Variants in CPE observed in about 807,000 individuals in gnomAD.
CPE encodes carboxypeptidase E.
A neutral mutation model predicts 53.5 loss-of-function variants in CPE; 17 were observed. The ratio of observed to expected loss-of-function variants is 0.32; its 90% CI spans 0.22 to 0.48. The LOEUF is 0.48. Ranked by LOEUF, CPE falls within the 20% of genes least tolerant of loss-of-function variation. CPE has a pLI of 0.99. For synonymous variants in CPE, 226 were observed against 228.8 expected (o/e 0.99, Z 0.11); for missense variants, 524 against 614.7 (o/e 0.85, Z 1.56).
intron 3 of CPE, among the ~76,000 whole-genome samples, chr4:165,481,698 A>G (rs1444276853): frequency 2.6e-5 from 4 of 152,246 alleles, no homozygotes; most frequent in African/African-American, 7.2e-5. Context: ...AACATATTTT[A>G]CAGTCCACTC....
chr4:165,404,988 TG>T (rs1272430323), intron 1 of CPE: 5 of 751,940 alleles, frequency 6.6e-6, no homozygotes, highest in Non-Finnish European at 1.2e-5. Flanking sequence ...TTTAGCACTC[TG>T]TGCTTAAAAC....
chr4:165,396,967 G>A (rs912605010), intron 1 of CPE, among the ~76,000 whole-genome samples: 2 of 151,766 alleles, frequency 1.3e-5, no homozygotes, highest in African/African-American at 2.4e-5. Flanking sequence ...AGGCTGAGGC[G>A]GGAGGATGGC....
chr4:165,382,771 A>G (rs1730523485), intron 1 of CPE, among the ~76,000 whole-genome samples: 1 of 152,236 alleles, frequency 6.6e-6, no homozygotes, highest in South Asian at 2.1e-4. Flanking sequence ...TGATCTTTAT[A>G]CATGCTTGGT....
At chr4:165,484,361 A>G in intron 4 of CPE, 61 bp from the exon 5 acceptor site, 1 of 1,484,170 alleles carries the variant, frequency 6.7e-7, no homozygotes, top group Non-Finnish European at 9.3e-7. Context: ...CACTCTTTAG[A>G]AAACATGCTG....
intron 1 of CPE, among the ~76,000 whole-genome samples, chr4:165,387,601 GAGTTCA>G (rs1190115448): frequency 6.6e-6 from 1 of 152,056 alleles, no homozygotes; most frequent in Admixed American, 6.5e-5. Flanking sequence ...ACGAGGTCGG[GAGTTCA>G]AGACCAGCCT....
intron 1 of CPE, among the ~76,000 whole-genome samples, chr4:165,387,867 C>T (rs1397219852): frequency 1.3e-5 from 2 of 152,240 alleles, no homozygotes; most frequent in Non-Finnish European, 2.9e-5. Context: ...GGGGATCTGC[C>T]CGCCTCGGTC....
At position 165,467,789 on chromosome 4, in the gene CPE, G is replaced by A. The variant is rs373115142; in HGVS notation, c.606G>A (p.Glu202=). Residue 202 remains glutamate (E), a synonymous_variant, in exon 3 of 9, where the codon GAG becomes GAA. Transcript: ENST00000402744. ...PDLDRIVYVN[E]KEGGPNNHLL... ...TGGATAGGATAGTGTACGTGAATGA[G>A]AAAGAAGGTGGTCCAAATAATCATC... 1 of 1,613,706 alleles carries A rather than the reference G, an allele frequency of 6.2e-7. No homozygotes were observed. The highest frequency in any genetic ancestry group is 1.3e-5 in the African/African-American group (1 of 74,876).
At position 165,379,658 on chromosome 4, in the gene CPE, T is replaced by A; in HGVS notation, c.307+130T>A. 1 of 940,670 alleles carries A rather than the reference T, an allele frequency of 1.1e-6. No individual in the cohort carries two copies. Among genetic ancestry groups the A allele is most frequent in the Non-Finnish European group, 1.5e-6 (1 of 671,118 alleles). The allele number at this position is 940,670 out of a possible 1,614,324, so 58.3% of individuals were successfully genotyped here. A position where few individuals can be genotyped will look rare whatever the true frequency, so the allele number is the denominator to read the frequency against. On this transcript the variant is annotated intron_variant, in intron 1 of 8. Transcript: ENST00000402744. This position sits in a 1 kb window ranked among gnomAD's most constrained non-coding sequence, Gnocchi z 6.0. ...GCCTCTTGGTAAAAGGTATCTAAGG[T>A]GGAAGGTGGGAAGTGGAGGGAGGGA...
intron 1 of CPE, among the ~76,000 whole-genome samples, chr4:165,403,590 G>A (rs1730903662): frequency 6.6e-6 from 1 of 151,896 alleles, no homozygotes; most frequent in Admixed American, 6.6e-5. Context: ...TATGCCATGG[G>A]GAATGTGTTT....
At chr4:165,446,733 G>A (rs549891200) in intron 1 of CPE, among the ~76,000 whole-genome samples, 2 of 152,264 alleles carry the variant, frequency 1.3e-5, no homozygotes, top group African/African-American at 2.4e-5. Flanking sequence ...CACACATTAC[G>A]AAGGGGGGTG....
chr4:165,417,455 T>A (rs925242964), intron 1 of CPE, among the ~76,000 whole-genome samples: 1 of 152,194 alleles, frequency 6.6e-6, no homozygotes, highest in African/African-American at 2.4e-5. Flanking sequence ...ATTTTACAGA[T>A]GAAGAAATAG....
In CPE at chr4:165,443,520, T is replaced by C. The variant is rs370071737; in HGVS notation, c.308-20870T>C. Among the ~76,000 whole-genome samples, 94 of 152,312 alleles carry C rather than the reference T, an allele frequency of 6.2e-4. No individual in the cohort carries two copies. The South Asian group carries it at 0.018, about 30-fold the overall frequency. ...AAAGGCAGGCAGGTTTGTTTTCTCC[T>C]GAGGCCTCTCTCCTTGGCTTGCAGA... is the stretch of plus-strand genomic sequence containing the variant. On this transcript the variant is annotated intron_variant, in intron 1 of 8. Transcript: ENST00000402744.
chr4:165,437,195 T>C (rs906176023), intron 1 of CPE, among the ~76,000 whole-genome samples: 1 of 152,190 alleles, frequency 6.6e-6, no homozygotes, highest in Non-Finnish European at 1.5e-5. Context: ...TCTGAAACAG[T>C]TGCTGAGGTC....
intron 1 of CPE, among the ~76,000 whole-genome samples, chr4:165,392,905 A>G (rs933272078): frequency 5.4e-5 from 8 of 149,156 alleles, no homozygotes; most frequent in African/African-American, 1.7e-4. Context: ...TAAATCAAAC[A>G]TAATACAGTT....
intron 1 of CPE, among the ~76,000 whole-genome samples, chr4:165,443,616 T>C (rs1215046098): frequency 6.6e-6 from 1 of 152,192 alleles, no homozygotes; most frequent in Non-Finnish European, 1.5e-5. Context: ...TCTTTCTGTG[T>C]CCAATTTTCT....
intron 1 of CPE, among the ~76,000 whole-genome samples, chr4:165,435,406 G>A (rs531533178): frequency 6.6e-6 from 1 of 152,156 alleles, no homozygotes; most frequent in Non-Finnish European, 1.5e-5. Flanking sequence ...GAAAGCTTGA[G>A]TTTGTGTTTA....
At chr4:165,490,452 T>C (rs1255763373) in intron 6 of CPE, among the ~76,000 whole-genome samples, 1 of 151,736 alleles carries the variant, frequency 6.6e-6, no homozygotes, top group Non-Finnish European at 1.5e-5. Context: ...GCTAACACGG[T>C]GAAACCCTGT....
chr4:165,386,717 A>C (rs1286901815), intron 1 of CPE, among the ~76,000 whole-genome samples: 3 of 152,222 alleles, frequency 2.0e-5, no homozygotes, highest in African/African-American at 7.2e-5. Context: ...CATCTTAGAA[A>C]GTTAAGCTGC....
intron 1 of CPE, among the ~76,000 whole-genome samples, chr4:165,458,094 CTAA>C (rs1356073291): frequency 6.6e-6 from 1 of 152,180 alleles, no homozygotes; most frequent in Non-Finnish European, 1.5e-5. Flanking sequence ...ATTAGTAGCA[CTAA>C]TGTTTTAACC....
Sources: gnomAD v4.1 joint callset for allele counts (sites outside exome capture counted in the v4.1 genomes callset) on GRCh38, gnomAD v4.1.1 for gene constraint, Gnocchi (gnomAD v3.1) non-coding constraint, MANE v1.5 for transcripts, NCBI Gene and HGNC (gene_info 2026-07-23, HGNC 2026-07-21) for gene names.